BIRC2: variants seen among roughly 807,000 people sequenced by gnomAD.
BIRC2 encodes baculoviral IAP repeat-containing protein 2.
BIRC2 carries 18 observed loss-of-function variants against 60.9 expected under a neutral mutation model. The ratio of observed to expected loss-of-function variants is 0.30; its 90% CI spans 0.20 to 0.44. The LOEUF is 0.44. Ranked by LOEUF, BIRC2 falls within the 20% of genes least tolerant of loss-of-function variation. The probability of loss-of-function intolerance (pLI) is 1.00; values close to 1 mark genes in which losing one functional copy is unlikely to be tolerated. For synonymous variants in BIRC2, 282 were observed against 247.7 expected (o/e 1.14, Z -1.30); for missense variants, 701 against 728.5 (o/e 0.96, Z 0.43).
intron 3 of BIRC2, among the ~76,000 whole-genome samples, chr11:102,356,759 A>G (rs577975807): frequency 1.3e-5 from 2 of 149,062 alleles, no homozygotes; most frequent in African/African-American, 5.0e-5. Flanking sequence ...GTTCACTGCA[A>G]CCTCTGCCTC....
rs796093287 is a variant in BIRC2 at position 102,371,799 on chromosome 11, G to A, written c.1366+3251G>A. Among the ~76,000 whole-genome samples, 9 of 150,818 alleles carry A rather than the reference G, an allele frequency of 6.0e-5. No individual in the cohort carries two copies. In the South Asian group the frequency reaches 1.9e-3, roughly 32 times the overall value. On this transcript the variant is annotated intron_variant, in intron 6 of 8. Coordinates refer to ENST00000227758, the MANE Select transcript of BIRC2 (RefSeq NM_001166.5). ...TCCGCTGTGAATCCATCTGGTCCTG[G>A]ACTCTTTTTGGTTGGTAAGCTATTG...
chr11:102,367,089 C>T (rs1951561349), intron 5 of BIRC2, among the ~76,000 whole-genome samples: 1 of 152,196 alleles, frequency 6.6e-6, no homozygotes, highest in Non-Finnish European at 1.5e-5. Flanking sequence ...ATACATTCTT[C>T]ATAAGGGAAA....
chr11:102,348,105 G>A (rs142121901), intron 1 of BIRC2, among the ~76,000 whole-genome samples: 8 of 152,340 alleles, frequency 5.3e-5, no homozygotes, highest in Middle Eastern at 6.8e-3. Context: ...GAATGGCAGA[G>A]TTTAAGAGTT....
chr11:102,349,981 T>A lies in BIRC2; in HGVS notation c.127T>A (p.Phe43Ile). ...CAACAAACAAAAAATGAAGTATGACTTTTCCTGTGAACTCTACAGAATGTC... is the reference window on the plus strand; with the variant it reads ...CAACAAACAAAAAATGAAGTATGACATTTCCTGTGAACTCTACAGAATGTC... ...NSNKQKMKYD[F>I]SCELYRMSTY... The change falls in exon 2 of 9, where the codon TTT becomes ATT. Residue 43 changes from phenylalanine to isoleucine, a missense_variant. Physicochemically the swap from Phe to Ile is conservative, Grantham distance 21. This residue lies in a region of BIRC2 where 375 missense variants were observed against 365.9 expected (regional missense o/e 1.02). Coordinates refer to ENST00000227758, the MANE Select transcript of BIRC2 (RefSeq NM_001166.5). 1 of 1,614,184 alleles carries A rather than the reference T, an allele frequency of 6.2e-7. No individual in the cohort carries two copies.
chr11:102,351,003 G>GCCTAA (rs1384540373), intron 3 of BIRC2, 60 bp downstream of exon 3: 11 of 1,499,728 alleles, frequency 7.3e-6, no homozygotes, highest in Non-Finnish European at 1.0e-5. Context: ...AAGTAGGCAT[G>GCCTAA]CCTACATGAT....
chr11:102,357,911 A>C (rs1360189252), intron 3 of BIRC2, among the ~76,000 whole-genome samples: 1 of 152,100 alleles, frequency 6.6e-6, no homozygotes, highest in East Asian at 1.9e-4. Flanking sequence ...CATTTGTTCT[A>C]TACATTTTGC....
intron 3 of BIRC2, among the ~76,000 whole-genome samples, chr11:102,352,457 C>G (rs1033563153): frequency 6.6e-6 from 1 of 151,958 alleles, no homozygotes; most frequent in Non-Finnish European, 1.5e-5. Context: ...GTCATCCAGG[C>G]TGGAGTGCAG....
intron 5 of BIRC2, among the ~76,000 whole-genome samples, chr11:102,365,743 A>AGTGTGTGTGTGTGTGTGTGT (rs34130638): frequency 3.7e-4 from 55 of 147,666 alleles, no homozygotes; most frequent in Middle Eastern, 3.4e-3. Context: ...CATTCAGCTA[A>AGTGTGTGTGTGTGTGTGTGT]GTGTGTGTGT....
At chr11:102,347,718 A>G (rs1308285751) in intron 1 of BIRC2, 2 of 152,224 alleles carry the variant, frequency 1.3e-5, no homozygotes, top group African/African-American at 4.8e-5. Flanking sequence ...CGTTCTTTTA[A>G]TGTAATACAT....
chr11:102,348,951 T>C lies in BIRC2; in HGVS notation c.-904T>C, dbSNP rs377016129. On this transcript the variant is annotated 5_prime_UTR_variant, in exon 2 of 9. Coordinates refer to ENST00000227758, the MANE Select transcript of BIRC2 (RefSeq NM_001166.5). The stretch of plus-strand genomic sequence containing the variant: ...TAAATGATGAACAGGTTATTTAGTT[T>C]TTAAATGCAGTGTAAAAAGTGTGCT... 6.3e-6 allele frequency: 1 copy of C among 158,580 alleles called. No homozygotes were observed. The highest frequency in any genetic ancestry group is 1.4e-5 in the Non-Finnish European group (1 of 71,734). The allele number at this position is 158,580 out of a possible 1,614,324, so 9.8% of individuals were successfully genotyped here. A position where few individuals can be genotyped will look rare whatever the true frequency, so the allele number is the denominator to read the frequency against.
chr11:102,369,476 C>T (rs1325331033), intron 6 of BIRC2, among the ~76,000 whole-genome samples: 1 of 151,484 alleles, frequency 6.6e-6, no homozygotes, highest in East Asian at 1.9e-4. Flanking sequence ...CATCCATGTC[C>T]CTACAAAGGA....
rs771291693 is a variant in BIRC2, at chr11:102,350,736, T to C, written c.882T>C (p.Gly294=). 1.9e-6 allele frequency: 3 copies of C among 1,605,214 alleles called. No homozygotes were observed. In the South Asian group the frequency reaches 3.3e-5, roughly 18 times the overall value. The change falls in exon 2 of 9, where the codon GGT becomes GGC. Residue 294 remains glycine (G), a synonymous_variant. Coordinates refer to ENST00000227758, the MANE Select transcript of BIRC2 (RefSeq NM_001166.5). ...AGCCTGAGCAGCTTGCAAGTGCTGGTTTTTATTATGTGGGTAAGAAGCAAA... is the reference window on the plus strand; with the variant it reads ...AGCCTGAGCAGCTTGCAAGTGCTGGCTTTTATTATGTGGGTAAGAAGCAAA... ...PVQPEQLASA[G]FYYVGRNDDV...
At chr11:102,369,495 C>T (rs1951598633) in intron 6 of BIRC2, among the ~76,000 whole-genome samples, 1 of 151,252 alleles carries the variant, frequency 6.6e-6, no homozygotes. Context: ...GACACGAACT[C>T]ATCATTTTTT....
intron 5 of BIRC2, among the ~76,000 whole-genome samples, chr11:102,365,768 GTGTT>G (rs1238126946): frequency 6.6e-6 from 1 of 151,990 alleles, no homozygotes; most frequent in African/African-American, 2.4e-5. Context: ...GTGTGTGTGT[GTGTT>G]TGTAGATACA....
intron 6 of BIRC2, among the ~76,000 whole-genome samples, chr11:102,373,784 C>T (rs1056756888): frequency 6.6e-6 from 1 of 151,730 alleles, no homozygotes; most frequent in African/African-American, 2.4e-5. Context: ...GTTCCAATCT[C>T]CCCATCACTT....
chr11:102,368,806 G>A (rs1951584295), intron 6 of BIRC2, among the ~76,000 whole-genome samples: 1 of 152,020 alleles, frequency 6.6e-6, no homozygotes, highest in African/African-American at 2.4e-5. Context: ...AGCATAATAA[G>A]CTCTTTCTTG....
intron 6 of BIRC2, among the ~76,000 whole-genome samples, chr11:102,374,930 C>T (rs1350375958): frequency 6.6e-6 from 1 of 152,222 alleles, no homozygotes; most frequent in Non-Finnish European, 1.5e-5. Context: ...ACCCGATTTT[C>T]CAGGTGCGTC....
intron 3 of BIRC2, among the ~76,000 whole-genome samples, chr11:102,362,437 T>C (rs1407866678): frequency 6.6e-6 from 1 of 152,196 alleles, no homozygotes; most frequent in South Asian, 2.1e-4. Context: ...GATTCCATAT[T>C]TTTTGGAGGG....
Position 102,378,121 on chromosome 11 carries a change from C to G in BIRC2, c.1795C>G (p.Leu599Val). The change falls in exon 9 of 9, where the codon CTA (leucine) becomes GTA (valine). Residue 599 changes from leucine to valine, a missense_variant. Around this residue, in one of 4 missense-constraint regions of BIRC2, gnomAD observed 52 missense variants for 83.9 expected, o/e 0.62. Coordinates refer to ENST00000227758, the MANE Select transcript of BIRC2 (RefSeq NM_001166.5). Reference protein sequence around the residue: ...LVVCQECAPSLRKCPICRGII... With the variant: ...LVVCQECAPSVRKCPICRGII... ...AGTATGCCAGGAATGTGCCCCTTCT[C>G]TAAGAAAATGCCCTATTTGCAGGGG... The G allele has an allele frequency of 6.2e-7, 1 of 1,613,452 alleles. No individual in the cohort carries two copies. Among genetic ancestry groups the G allele is most frequent in the African/African-American group, 1.3e-5 (1 of 74,994 alleles).
Sources: allele counts gnomAD v4.1 joint callset (sites outside exome capture counted in the v4.1 genomes callset), GRCh38; gene constraint gnomAD v4.1.1; regional missense constraint gnomAD v4.1.1; transcripts MANE v1.5; gene names NCBI Gene and HGNC (gene_info 2026-07-23, HGNC 2026-07-21).